The following CBLB variants were observed in gnomAD, a reference collection of about 807,000 sequenced individuals.
CBLB encodes the protein Cbl proto-oncogene B.
In CBLB, 31 loss-of-function variants were observed where a neutral mutation model predicts 104.9. That is an observed-to-expected ratio of 0.30 (90% CI 0.22 to 0.40). CBLB has a LOEUF of 0.40. CBLB is among the 10% of genes least tolerant of loss of function. The pLI, the probability that CBLB is intolerant of heterozygous loss-of-function variation, is 1.00. For synonymous variants in CBLB, 440 were observed against 422.6 expected (o/e 1.04, Z -0.51); for missense variants, 1,062 against 1,214.6 (o/e 0.87, Z 1.87).
chr3:105,843,369 C>T (rs888978647), intron 3 of CBLB, among the ~76,000 whole-genome samples: 13 of 152,060 alleles, frequency 8.5e-5, no homozygotes, highest in African/African-American at 2.9e-4. Flanking sequence ...AAAACACTTC[C>T]CAATTATTTA....
intron 10 of CBLB, among the ~76,000 whole-genome samples, chr3:105,709,946 C>T (rs1008607651): frequency 6.6e-6 from 1 of 151,870 alleles, no homozygotes; most frequent in African/African-American, 2.4e-5. Context: ...ATGGGCCATA[C>T]CAATGTTTAA....
In CBLB at chr3:105,843,901, G is replaced by T. The variant is rs1373767674; in HGVS notation, c.419+9513C>A. On this transcript the variant is annotated intron_variant, in intron 3 of 18. Coordinates refer to ENST00000394030, the MANE Select transcript of CBLB (RefSeq NM_170662.5). ...ATGTACACTGCCATATTTGGTCACT[G>T]TTAGGGACTGAATGGTGTCCCCTAA... Among the ~76,000 whole-genome samples the T allele has an allele frequency of 2.6e-5, 4 of 152,256 alleles. No individual in the cohort carries two copies. In the East Asian group the frequency reaches 7.7e-4, roughly 29 times the overall value.
chr3:105,715,697 G>A (rs1158044660), intron 10 of CBLB, among the ~76,000 whole-genome samples: 1 of 152,164 alleles, frequency 6.6e-6, no homozygotes, highest in African/African-American at 2.4e-5. Context: ...GACAATCACT[G>A]GCAGTCACTC....
intron 6 of CBLB, among the ~76,000 whole-genome samples, chr3:105,742,102 T>A (rs974531935): frequency 2.0e-5 from 3 of 152,248 alleles, no homozygotes; most frequent in African/African-American, 7.2e-5. Context: ...TTCTCTTTAT[T>A]TGAGTGTACT....
At chr3:105,719,310 A>C (rs2072412139) in intron 10 of CBLB, among the ~76,000 whole-genome samples, 1 of 152,200 alleles carries the variant, frequency 6.6e-6, no homozygotes, top group South Asian at 2.1e-4. Context: ...ATTTTATACA[A>C]ACACTCTCAT....
At chr3:105,675,675 G>T (rs2152709569) in intron 17 of CBLB, among the ~76,000 whole-genome samples, 1 of 152,154 alleles carries the variant, frequency 6.6e-6, no homozygotes, top group African/African-American at 2.4e-5. Flanking sequence ...CATAAGGCCA[G>T]GAGTTCGAGA....
intron 10 of CBLB, among the ~76,000 whole-genome samples, chr3:105,705,755 C>T (rs2070015256): frequency 1.3e-5 from 2 of 152,192 alleles, no homozygotes; most frequent in Middle Eastern, 3.4e-3. Context: ...CTCCTCCTTC[C>T]CATAGTATAC....
chr3:105,783,574 G>A (rs1445803118), intron 3 of CBLB, among the ~76,000 whole-genome samples: 1 of 152,148 alleles, frequency 6.6e-6, no homozygotes, highest in Non-Finnish European at 1.5e-5. Context: ...GCCAGGCTTA[G>A]TCTAGGCACT....
intron 3 of CBLB, among the ~76,000 whole-genome samples, chr3:105,796,206 A>G (rs1214636335): frequency 6.6e-6 from 1 of 152,246 alleles, no homozygotes; most frequent in Non-Finnish European, 1.5e-5. Context: ...TTACAGGGCT[A>G]TAGTAACCAA....
intron 4 of CBLB, among the ~76,000 whole-genome samples, chr3:105,775,730 T>C (rs2079381608): frequency 6.6e-6 from 1 of 152,244 alleles, no homozygotes; most frequent in African/African-American, 2.4e-5. Context: ...ACCTTAGATA[T>C]TCAATTCCAT....
At chr3:105,744,324 A>G (rs1482144096) in intron 6 of CBLB, among the ~76,000 whole-genome samples, 2 of 152,228 alleles carry the variant, frequency 1.3e-5, no homozygotes, top group Non-Finnish European at 2.9e-5. Context: ...CAAGAGCAAG[A>G]AAGATACTTT....
At chr3:105,848,812 A>C (rs971189075) in intron 3 of CBLB, among the ~76,000 whole-genome samples, 3 of 152,118 alleles carry the variant, frequency 2.0e-5, no homozygotes, top group Admixed American at 6.6e-5. Flanking sequence ...AGAATCAAAG[A>C]AACAATTCTG....
chr3:105,673,937 T>C (rs1242852909), intron 17 of CBLB: 4 of 152,258 alleles, frequency 2.6e-5, no homozygotes, highest in Admixed American at 2.0e-4. Flanking sequence ...GTTTACTTTA[T>C]CATCCTGGTT....
chr3:105,695,112 C>T (rs2068187109), intron 12 of CBLB, among the ~76,000 whole-genome samples: 1 of 151,768 alleles, frequency 6.6e-6, no homozygotes, highest in South Asian at 2.1e-4. Flanking sequence ...AATCAAATTT[C>T]CTTAATTCAT....
At position 105,685,578 on chromosome 3, in the gene CBLB, C is replaced by T. The variant is rs546118228; in HGVS notation, c.2055-112G>A. The T allele has an allele frequency of 2.9e-5, 24 of 833,068 alleles. No individual in the cohort carries two copies. The African/African-American group carries it at 3.7e-4, about 13-fold the overall frequency. 51.6% of individuals were successfully genotyped at this position (833,068 alleles called of 1,614,324 possible). A position where few individuals can be genotyped will look rare whatever the true frequency, so the allele number is the denominator to read the frequency against. Reference sequence around the variant, plus strand: ...TACTTTATCACTTATGTTCATTTTTCAATTACAGGGTATCATCAGAGAAGC... The same window carrying T: ...TACTTTATCACTTATGTTCATTTTTTAATTACAGGGTATCATCAGAGAAGC... On this transcript the variant is annotated intron_variant, in intron 13 of 18. Coordinates refer to ENST00000394030, the MANE Select transcript of CBLB (RefSeq NM_170662.5).
chr3:105,790,896 G>C (rs1046713656), intron 3 of CBLB, among the ~76,000 whole-genome samples: 1 of 152,178 alleles, frequency 6.6e-6, no homozygotes, highest in African/African-American at 2.4e-5. Context: ...TCCCCATCCA[G>C]GCTGCCCACT....
intron 3 of CBLB, among the ~76,000 whole-genome samples, chr3:105,852,918 T>C (rs575788291): frequency 1.4e-4 from 21 of 152,242 alleles, no homozygotes; most frequent in Admixed American, 2.6e-4. Context: ...GGTTTCTCCA[T>C]GTTGGTCAGG....
At chr3:105,759,481 G>A (rs2077401687) in intron 4 of CBLB, among the ~76,000 whole-genome samples, 1 of 152,196 alleles carries the variant, frequency 6.6e-6, no homozygotes, top group African/African-American at 2.4e-5. Flanking sequence ...TCTACAGGCT[G>A]TTTCTGTGGA....
At chr3:105,789,049 C>T (rs1012534765) in intron 3 of CBLB, among the ~76,000 whole-genome samples, 4 of 152,164 alleles carry the variant, frequency 2.6e-5, no homozygotes, top group South Asian at 4.1e-4. Context: ...GCAGAAAAAA[C>T]ATTCGGTAAA....
Sources: gnomAD v4.1 joint callset for allele counts (sites outside exome capture counted in the v4.1 genomes callset) on GRCh38, gnomAD v4.1.1 for gene constraint, MANE v1.5 for transcripts, NCBI Gene and HGNC (gene_info 2026-07-23, HGNC 2026-07-21) for gene names.